The following ADAMTS17 variants were observed in gnomAD, a reference collection of about 807,000 sequenced individuals.
ADAMTS17 encodes the protein ADAM metallopeptidase with thrombospondin type 1 motif 17.
A neutral mutation model predicts 141.5 loss-of-function variants in ADAMTS17; 113 were observed. That is an observed-to-expected ratio of 0.80 (90% CI 0.69 to 0.93). ADAMTS17 has a LOEUF of 0.93. Among genes scored for constraint, ADAMTS17 ranks in the 40% least tolerant of loss-of-function variants. The probability of loss-of-function intolerance (pLI) is 0.00; values close to 1 mark genes in which losing one functional copy is unlikely to be tolerated. For missense variants in ADAMTS17, 1,659 were observed against 1,517.9 expected, an observed-to-expected ratio of 1.09 and a Z score of -1.54; for synonymous variants, 768 against 630.6, an observed-to-expected ratio of 1.22 and a Z score of -3.27.
At chr15:100,193,284 G>C (rs543352930) in intron 8 of ADAMTS17, among the ~76,000 whole-genome samples, 5 of 152,398 alleles carry the variant, frequency 3.3e-5, no homozygotes, top group African/African-American at 1.2e-4. Context: ...GGAGTAGAGA[G>C]AGGACTAAGC....
chr15:99,982,594 C>T (rs577117206), intron 20 of ADAMTS17, among the ~76,000 whole-genome samples: 19 of 152,336 alleles, frequency 1.2e-4, no homozygotes, highest in Middle Eastern at 3.4e-3. Context: ...CTGATAGCAT[C>T]GAATTTGCCC....
At chr15:100,322,189 G>A (rs756215014) in intron 3 of ADAMTS17, among the ~76,000 whole-genome samples, 12 of 152,172 alleles carry the variant, frequency 7.9e-5, no homozygotes, top group Admixed American at 2.0e-4. Context: ...ATGCAGAAGG[G>A]GTAACGCTCC....
chr15:100,288,660 T>C (rs6598321), intron 3 of ADAMTS17, among the ~76,000 whole-genome samples: 70,755 of 151,958 alleles, frequency 0.47, 19,266 homozygotes, highest in African/African-American at 0.76. Context: ...CAAAATTATA[T>C]CAGTCACACT....
chr15:100,337,728 C>T (rs374002495), intron 2 of ADAMTS17, among the ~76,000 whole-genome samples: 1 of 152,240 alleles, frequency 6.6e-6, no homozygotes, highest in Non-Finnish European at 1.5e-5. Flanking sequence ...CAGCAGGGGG[C>T]CTCCAGCCCT....
chr15:100,189,853 G>A lies in ADAMTS17; in HGVS notation c.1181+9465C>T, dbSNP rs917980049. 1.4e-4 allele frequency among the ~76,000 whole-genome samples: 22 copies of A among 152,328 alleles called. No homozygotes were observed. The East Asian group carries it at 3.5e-3, about 24-fold the overall frequency. On this transcript the variant is annotated intron_variant, in intron 8 of 21. Transcript: ENST00000268070. ...AGCCGTGGCCAAGGTGTGGGCACAA[G>A]TTCAGGCCCTGACATGATACACCCA... is the stretch of plus-strand genomic sequence containing the variant.
chr15:100,339,195 A>C (rs1262367179), intron 2 of ADAMTS17: 1 of 978,012 alleles, frequency 1.0e-6, no homozygotes, highest in Non-Finnish European at 1.2e-6. Flanking sequence ...GCTAAAGGGA[A>C]GGACAGTCTT....
chr15:99,975,253 A>G (rs563354208), intron 21 of ADAMTS17, among the ~76,000 whole-genome samples: 2 of 152,326 alleles, frequency 1.3e-5, no homozygotes, highest in South Asian at 4.1e-4. Context: ...TCTGTTGCCC[A>G]GGCTGGAGTG....
Position 99,994,580 on chromosome 15 carries a change from ATTTT to A in ADAMTS17, c.2797-1384_2797-1381del, listed in dbSNP as rs577270985. Among the ~76,000 whole-genome samples, 486 of 151,460 alleles carry A rather than the reference ATTTT, an allele frequency of 3.2e-3. 1 individual carries two copies. Among genetic ancestry groups the A allele is most frequent in the African/African-American group, 0.011 (446 of 41,312 alleles). ...CTAGCTTTCTCTTTTTTTATTTTTT[ATTTT>A]GAGACGGAGTCTCGCTCTGTCACCC... On this transcript the variant is annotated intron_variant, in intron 19 of 21. Coordinates refer to ENST00000268070, the MANE Select transcript of ADAMTS17 (RefSeq NM_139057.4).
chr15:100,133,627 C>T (rs886676319), intron 10 of ADAMTS17, among the ~76,000 whole-genome samples: 1 of 152,216 alleles, frequency 6.6e-6, no homozygotes, highest in South Asian at 2.1e-4. Context: ...GCAGCCCCTG[C>T]CTCCCAGGAG....
intron 15 of ADAMTS17, 123 bp downstream of exon 15, chr15:100,096,233 C>G (rs985374816): frequency 6.6e-7 from 1 of 1,506,770 alleles, no homozygotes; most frequent in African/African-American, 1.4e-5. Context: ...ACTGAAGTTC[C>G]AGGTCACCTA....
chr15:100,243,892 A>C (rs1230387987), intron 7 of ADAMTS17, among the ~76,000 whole-genome samples: 2 of 152,048 alleles, frequency 1.3e-5, no homozygotes, highest in African/African-American at 4.8e-5. Context: ...TTTAACCCTC[A>C]CAACAACCCT....
At chr15:100,055,868 G>C (rs4505295) in intron 15 of ADAMTS17, among the ~76,000 whole-genome samples, 1 of 152,108 alleles carries the variant, frequency 6.6e-6, no homozygotes, top group Non-Finnish European at 1.5e-5. Context: ...TCACTTCATG[G>C]GTGAGGCAAT....
At chr15:100,010,516 T>C (rs2061142967) in intron 18 of ADAMTS17, among the ~76,000 whole-genome samples, 1 of 152,178 alleles carries the variant, frequency 6.6e-6, no homozygotes, top group African/African-American at 2.4e-5. Flanking sequence ...GCTGCGAGCC[T>C]ATGGGTGAGA....
intron 7 of ADAMTS17, among the ~76,000 whole-genome samples, chr15:100,214,418 C>G (rs369455275): frequency 6.6e-6 from 1 of 152,116 alleles, no homozygotes; most frequent in Non-Finnish European, 1.5e-5. Context: ...TATCTGCTTT[C>G]CAGGCTGAAG....
chr15:100,325,544 G>A (rs1043653541), intron 3 of ADAMTS17, among the ~76,000 whole-genome samples: 3 of 152,232 alleles, frequency 2.0e-5, no homozygotes, highest in African/African-American at 7.2e-5. Flanking sequence ...GTGGAGCCTA[G>A]TGGGAGGTGG....
chr15:100,192,631 C>T (rs1239700250), intron 8 of ADAMTS17, among the ~76,000 whole-genome samples: 1 of 152,226 alleles, frequency 6.6e-6, no homozygotes. Context: ...CCATGACTGT[C>T]TGCTGGTGGG....
intron 2 of ADAMTS17, among the ~76,000 whole-genome samples, chr15:100,331,679 A>G (rs1456601497): frequency 5.3e-5 from 8 of 152,092 alleles, no homozygotes; most frequent in Non-Finnish European, 1.2e-4. Context: ...ACAATCCCGA[A>G]CTGCCTTTGA....
chr15:100,279,504 C>G (rs2142071672), intron 4 of ADAMTS17, among the ~76,000 whole-genome samples: 2 of 152,382 alleles, frequency 1.3e-5, no homozygotes, highest in Admixed American at 1.3e-4. Context: ...TCATTCCCCA[C>G]TGCACCCATT....
chr15:100,198,147 A>C (rs1311001478), intron 8 of ADAMTS17, among the ~76,000 whole-genome samples: 1 of 152,218 alleles, frequency 6.6e-6, no homozygotes, highest in African/African-American at 2.4e-5. Flanking sequence ...CATTCTGCAC[A>C]TGTATCCCAG....
Sources: allele counts gnomAD v4.1 joint callset (sites outside exome capture counted in the v4.1 genomes callset), GRCh38; gene constraint gnomAD v4.1.1; transcripts MANE v1.5; gene names NCBI Gene and HGNC (gene_info 2026-07-23, HGNC 2026-07-21).